Variants in ARID4B observed in about 807,000 individuals in gnomAD.
ARID4B encodes AT-rich interactive domain-containing protein 4B.
In ARID4B, 26 loss-of-function variants were observed where a neutral mutation model predicts 147.5. The ratio of observed to expected loss-of-function variants is 0.18; its 90% CI spans 0.13 to 0.24. ARID4B has a LOEUF of 0.24. Among genes scored for constraint, ARID4B ranks in the 10% least tolerant of loss-of-function variants. The pLI is 1.00. For missense variants in ARID4B, 1,179 were observed against 1,511.5 expected, an observed-to-expected ratio of 0.78 and a Z score of 3.65; for synonymous variants, 512 against 507.9, an observed-to-expected ratio of 1.01 and a Z score of -0.11.
At chr1:235,211,856 T>TA (rs1359429661) in intron 17 of ARID4B, among the ~76,000 whole-genome samples, 4 of 152,152 alleles carry the variant, frequency 2.6e-5, no homozygotes, top group Non-Finnish European at 4.4e-5. Flanking sequence ...TGACTAGAAG[T>TA]AAAAAATTGG....
chr1:235,277,594 TTGTGTGTGTGTGTGTGTGTGTG>T (rs71576468), intron 2 of ARID4B, among the ~76,000 whole-genome samples: 7 of 129,620 alleles, frequency 5.4e-5, no homozygotes, highest in South Asian at 5.0e-4. Context: ...ATGCCTTATA[TTGTGTGTGTGTGTGTGTGTGTG>T]TGTGTGTGTG....
chr1:235,260,791 T>C (rs367673271), intron 2 of ARID4B, 39 bp from the exon 3 acceptor site: 539 of 1,411,392 alleles, frequency 3.8e-4, no homozygotes, highest in Non-Finnish European at 4.9e-4. Flanking sequence ...TTAAACTCTC[T>C]AATTCTTTCC....
chr1:235,320,113 G>A (rs1314844752), intron 2 of ARID4B, among the ~76,000 whole-genome samples: 6 of 146,722 alleles, frequency 4.1e-5, no homozygotes, highest in African/African-American at 1.3e-4. Context: ...GGTAACGAGC[G>A]AAACTCCGTC....
At chr1:235,240,664 G>T (rs1223089844) in intron 7 of ARID4B, among the ~76,000 whole-genome samples, 1 of 152,020 alleles carries the variant, frequency 6.6e-6, no homozygotes, top group Non-Finnish European at 1.5e-5. Flanking sequence ...AATATTTCTG[G>T]TTTATTTAGT....
rs10666218 is a variant in ARID4B, at chr1:235,271,968, AAATAAT to A, written c.7-11222_7-11217del. On this transcript the variant is annotated intron_variant, in intron 2 of 23. Transcript: ENST00000264183. ...CATCTCAAAAAGTAATAATAATAAT[AAATAAT>A]AATAATAATCCCCACCAACCAAGTT... Among the ~76,000 whole-genome samples, 37 of 150,390 alleles carry A rather than the reference AAATAAT, an allele frequency of 2.5e-4. No homozygotes were observed. In the East Asian group the frequency reaches 6.4e-3, roughly 26 times the overall value.
intron 2 of ARID4B, among the ~76,000 whole-genome samples, chr1:235,320,124 T>TA (rs369901272): frequency 0.066 from 8,972 of 135,338 alleles, 489 homozygotes; most frequent in African/African-American, 0.15. Flanking sequence ...AAACTCCGTC[T>TA]AAAAAAAAAA....
At chr1:235,314,389 AT>A in intron 2 of ARID4B, among the ~76,000 whole-genome samples, 1 of 152,280 alleles carries the variant, frequency 6.6e-6, no homozygotes, top group Non-Finnish European at 1.5e-5. Context: ...TATTATTCTC[AT>A]TTTACAAAAA....
intron 2 of ARID4B, among the ~76,000 whole-genome samples, chr1:235,269,936 G>A (rs1206357080): frequency 6.6e-6 from 1 of 151,386 alleles, no homozygotes; most frequent in Non-Finnish European, 1.5e-5. Flanking sequence ...TTTTGTTTTT[G>A]TTTTTTGTTT....
chr1:235,219,960 T>G lies in ARID4B; in HGVS notation c.1416A>C (p.Lys472Asn). Residue 472 changes from lysine (K) to asparagine (N), a missense_variant, in exon 16 of 24, where the codon AAA becomes AAC. By Grantham distance (94) the Lys-to-Asn change is moderately conservative (BLOSUM62 0). Coordinates refer to ENST00000264183, the MANE Select transcript of ARID4B (RefSeq NM_016374.6). ...KENIKPSLGS[K>N]KNLLESIPTH... is the part of the protein sequence containing the mutation. ...TAGGTATAGATTCTAATAAATTCTTTTTACTTCCCTAGAAAAAGATCAGAG... is the reference window on the plus strand; with the variant it reads ...TAGGTATAGATTCTAATAAATTCTTGTTACTTCCCTAGAAAAAGATCAGAG... 1 of 1,536,392 alleles carries G rather than the reference T, an allele frequency of 6.5e-7. No individual in the cohort carries two copies. The highest frequency in any genetic ancestry group is 8.7e-7 in the Non-Finnish European group (1 of 1,145,078).
At chr1:235,308,083 A>ATTTT (rs368457519) in intron 2 of ARID4B, among the ~76,000 whole-genome samples, 4 of 102,768 alleles carry the variant, frequency 3.9e-5, no homozygotes, top group South Asian at 3.7e-4. Context: ...ATTTCTTCTA[A>ATTTT]TTTTTTTTTT....
At chr1:235,291,733 A>C in intron 2 of ARID4B, among the ~76,000 whole-genome samples, 1 of 152,192 alleles carries the variant, frequency 6.6e-6, no homozygotes, top group Middle Eastern at 3.2e-3. Context: ...GTCTTAAAAA[A>C]ACAAAAACAA....
chr1:235,311,734 A>G (rs1278427615), intron 2 of ARID4B, among the ~76,000 whole-genome samples: 1 of 149,626 alleles, frequency 6.7e-6, no homozygotes, highest in African/African-American at 2.5e-5. Flanking sequence ...AGACTGTGCC[A>G]CTGCACTCCA....
At chr1:235,252,656 A>G in intron 6 of ARID4B, 74 bp downstream of exon 6, 1 of 1,277,980 alleles carries the variant, frequency 7.8e-7, no homozygotes, top group South Asian at 1.3e-5. Context: ...AGGTTTACTG[A>G]GTTGAGAAAG....
chr1:235,276,440 T>A (rs10754589), intron 2 of ARID4B, among the ~76,000 whole-genome samples: 3 of 151,848 alleles, frequency 2.0e-5, no homozygotes, highest in Admixed American at 1.3e-4. Flanking sequence ...TTCAACAGAC[T>A]CTTACATTTC....
Position 235,220,298 on chromosome 1 carries a change from T to A in ARID4B, c.1407+4A>T. 2 of 1,589,670 alleles carry A rather than the reference T, an allele frequency of 1.3e-6. No individual in the cohort carries two copies. Among genetic ancestry groups the A allele is most frequent in the Non-Finnish European group, 1.7e-6 (2 of 1,171,670 alleles). On this transcript the variant is annotated splice_donor_region_variant and intron_variant, in intron 15 of 23. Coordinates refer to ENST00000264183, the MANE Select transcript of ARID4B (RefSeq NM_016374.6). Reference sequence around the variant, plus strand: ...CAAAAGACAATTAACAATATCTGATTTACCAGAGAGGGCTTAATATTTTCT... The same window carrying A: ...CAAAAGACAATTAACAATATCTGATATACCAGAGAGGGCTTAATATTTTCT...
intron 20 of ARID4B, chr1:235,181,253 G>T: frequency 1.6e-6 from 1 of 609,868 alleles, no homozygotes; most frequent in Non-Finnish European, 2.3e-6. Context: ...TACAGAAATA[G>T]ATTTAAGCTG....
chr1:235,185,137 T>A (rs2102933160), intron 19 of ARID4B, among the ~76,000 whole-genome samples: 1 of 152,254 alleles, frequency 6.6e-6, no homozygotes, highest in South Asian at 2.1e-4. Context: ...TTTATAAAGT[T>A]TATCCTCTAT....
At chr1:235,243,062 T>A (rs1353415309) in intron 7 of ARID4B, among the ~76,000 whole-genome samples, 5 of 152,268 alleles carry the variant, frequency 3.3e-5, no homozygotes, top group Non-Finnish European at 5.9e-5. Context: ...GAATGTAAGC[T>A]CTCAAGTTGA....
At position 235,168,435 on chromosome 1, in the gene ARID4B, G is replaced by C; in HGVS notation, c.*90C>G. On this transcript the variant is annotated 3_prime_UTR_variant, in exon 24 of 24. Coordinates refer to ENST00000264183, the MANE Select transcript of ARID4B (RefSeq NM_016374.6). Reference sequence around the variant, plus strand: ...AATTTTTAAATATAAAATAGTGCTTGTCTGATATTTTTTTGTGCCACTGTG... The same window carrying C: ...AATTTTTAAATATAAAATAGTGCTTCTCTGATATTTTTTTGTGCCACTGTG... 1 of 1,398,138 alleles carries C rather than the reference G, an allele frequency of 7.2e-7. No individual in the cohort carries two copies. Among genetic ancestry groups the C allele is most frequent in the African/African-American group, 1.5e-5 (1 of 68,546 alleles). 86.6% of individuals were successfully genotyped at this position (1,398,138 alleles called of 1,614,324 possible).
Sources: allele counts gnomAD v4.1 joint callset (sites outside exome capture counted in the v4.1 genomes callset), GRCh38; gene constraint gnomAD v4.1.1; transcripts MANE v1.5; gene names NCBI Gene and HGNC (gene_info 2026-07-23, HGNC 2026-07-21).